PARD3B: variants seen among roughly 807,000 people sequenced by gnomAD.
PARD3B encodes the protein par-3 family cell polarity regulator beta.
In PARD3B, 103 loss-of-function variants were observed where a neutral mutation model predicts 130.2. The observed-to-expected ratio is 0.79, with a 90% CI of 0.67 to 0.93. PARD3B has a LOEUF of 0.93. Ranked by LOEUF, PARD3B falls within the 40% of genes least tolerant of loss-of-function variation. The pLI is 0.00. For synonymous variants in PARD3B, 583 were observed against 553.2 expected, an observed-to-expected ratio of 1.05 and a Z score of -0.76; for missense variants, 1,609 against 1,499.2, an observed-to-expected ratio of 1.07 and a Z score of -1.21.
chr2:205,172,004 A>G (rs1189551229), intron 11 of PARD3B, among the ~76,000 whole-genome samples: 1 of 152,220 alleles, frequency 6.6e-6, no homozygotes. Flanking sequence ...TCTAAAAAAT[A>G]CTTTCACACA....
In PARD3B at chr2:205,250,280, G is replaced by A. The variant is rs1401168841; in HGVS notation, c.2185+4458G>A. Among the ~76,000 whole-genome samples the A allele has an allele frequency of 2.0e-5, 3 of 150,354 alleles. No homozygotes were observed. In the South Asian group the frequency reaches 6.3e-4, roughly 32 times the overall value. ...GCTTGGAACTGTTTTAATATGTATT[G>A]ACTGTCTGCAGAGATCTTTGCTGAC... is the stretch of plus-strand genomic sequence containing the variant. On this transcript the variant is annotated intron_variant, in intron 16 of 22. Transcript: ENST00000406610.
intron 3 of PARD3B, among the ~76,000 whole-genome samples, chr2:205,035,815 ATATATCTATATATC>A (rs1228591640): frequency 0.44 from 11,391 of 26,032 alleles, 1,267 homozygotes; most frequent in South Asian, 0.6. Context: ...ATATATATAT[ATATATCTATATATC>A]TATATATATA....
At chr2:204,644,359 G>A (rs1211273722) in intron 1 of PARD3B, among the ~76,000 whole-genome samples, 1 of 152,162 alleles carries the variant, frequency 6.6e-6, no homozygotes, top group Non-Finnish European at 1.5e-5. Context: ...GGGTGTGTGG[G>A]TGTCTATCTT....
At chr2:204,724,116 A>T (rs1363001902) in intron 2 of PARD3B, among the ~76,000 whole-genome samples, 1 of 152,136 alleles carries the variant, frequency 6.6e-6, no homozygotes, top group East Asian at 1.9e-4. Context: ...CCTTAGCATT[A>T]CTTTTGATAT....
At chr2:205,532,926 A>G (rs950846902) in intron 21 of PARD3B, among the ~76,000 whole-genome samples, 6 of 152,204 alleles carry the variant, frequency 3.9e-5, no homozygotes, top group African/African-American at 1.4e-4. Context: ...ATAAGATATT[A>G]AAGTGTGCTG....
In PARD3B at chr2:205,309,861, A is replaced by C. The variant is rs560550441; in HGVS notation, c.2630+8160A>C. ...TTTAGGTAAGCAAAGCTGTCAGTGT[A>C]GTGCCTAACTTGATAGACATTACTT... On this transcript the variant is annotated intron_variant, in intron 18 of 22. Transcript: ENST00000406610. This position sits in a 1 kb window ranked among gnomAD's most constrained non-coding sequence, Gnocchi z 4.7. 1.3e-5 allele frequency among the ~76,000 whole-genome samples: 2 copies of C among 152,136 alleles called. No homozygotes were observed. Among genetic ancestry groups the C allele is most frequent in the South Asian group, 4.1e-4 (2 of 4,826 alleles).
chr2:205,339,696 T>G (rs2043445654), intron 18 of PARD3B, among the ~76,000 whole-genome samples: 1 of 152,228 alleles, frequency 6.6e-6, no homozygotes, highest in Admixed American at 6.5e-5. Context: ...CAGAGAGAGA[T>G]AATTGGACTT....
At chr2:204,944,929 A>T (rs6724164) in intron 2 of PARD3B, among the ~76,000 whole-genome samples, 33,699 of 152,146 alleles carry the variant, frequency 0.22, 4,052 homozygotes, top group African/African-American at 0.28. Flanking sequence ...AAATTGCACA[A>T]AGTGCATTTG....
chr2:205,192,843 C>G (rs1574342016), intron 14 of PARD3B, among the ~76,000 whole-genome samples: 3 of 152,306 alleles, frequency 2.0e-5, no homozygotes, highest in East Asian at 3.9e-4. Context: ...ATCCCTTAAC[C>G]TGCTTTTGGG....
At chr2:204,795,035 TAGAG>T (rs1414673649) in intron 2 of PARD3B, among the ~76,000 whole-genome samples, 3 of 152,334 alleles carry the variant, frequency 2.0e-5, no homozygotes, top group East Asian at 3.9e-4. Context: ...TCAGTATAGA[TAGAG>T]AAAGTAGATA....
chr2:205,129,113 A>G (rs1017493070), intron 10 of PARD3B, among the ~76,000 whole-genome samples: 2 of 152,216 alleles, frequency 1.3e-5, no homozygotes, highest in African/African-American at 4.8e-5. Flanking sequence ...AGAAGTTTCT[A>G]GCAAATATCT....
At chr2:205,135,979 G>A (rs548480855) in intron 10 of PARD3B, among the ~76,000 whole-genome samples, 3 of 152,178 alleles carry the variant, frequency 2.0e-5, no homozygotes, top group Admixed American at 2.0e-4. Context: ...ATTTAATATT[G>A]TTATGTCTCT....
At chr2:205,005,003 C>G (rs868318682) in intron 3 of PARD3B, among the ~76,000 whole-genome samples, 1 of 152,102 alleles carries the variant, frequency 6.6e-6, no homozygotes, top group African/African-American at 2.4e-5. Context: ...TTTCATACTC[C>G]ACAACCAACC....
At chr2:205,606,352 G>T (rs1484616162) in intron 22 of PARD3B, among the ~76,000 whole-genome samples, 1 of 152,216 alleles carries the variant, frequency 6.6e-6, no homozygotes, top group Admixed American at 6.5e-5. Context: ...TTGGCTGGAG[G>T]TGGGAGCTTC....
chr2:205,485,643 A>G (rs1027632988), intron 20 of PARD3B, among the ~76,000 whole-genome samples: 1 of 152,148 alleles, frequency 6.6e-6, no homozygotes, highest in African/African-American at 2.4e-5. Context: ...GCAATTCTTC[A>G]GTGGGTCTGC....
chr2:205,563,941 G>A lies in PARD3B; in HGVS notation c.3260+10538G>A, dbSNP rs2053230631. On this transcript the variant is annotated intron_variant, in intron 22 of 22. Coordinates refer to ENST00000406610, the MANE Select transcript of PARD3B (RefSeq NM_001302769.2). The surrounding 1 kb of genome is among the most constrained non-coding windows in gnomAD (Gnocchi z 4.2). The stretch of plus-strand genomic sequence containing the variant: ...CAGAACACTCAGAACAAGGCAAGGG[G>A]AAGGAGTTAACATTTGTTGAGCCCG... Among the ~76,000 whole-genome samples the A allele has an allele frequency of 1.3e-5, 2 of 152,198 alleles. No individual in the cohort carries two copies. The highest frequency in any genetic ancestry group is 2.1e-4 in the South Asian group (1 of 4,834).
chr2:204,896,724 A>G (rs186356756), intron 2 of PARD3B, among the ~76,000 whole-genome samples: 4 of 152,324 alleles, frequency 2.6e-5, no homozygotes, highest in African/African-American at 7.2e-5. Flanking sequence ...TCATTTAGAA[A>G]GGGAGTGGAC....
At chr2:205,240,478 C>T (rs1402672242) in intron 15 of PARD3B, among the ~76,000 whole-genome samples, 1 of 152,016 alleles carries the variant, frequency 6.6e-6, no homozygotes, top group African/African-American at 2.4e-5. Flanking sequence ...ATAAGACTAC[C>T]ATTGCATCAT....
At chr2:204,905,745 A>G (rs1478944788) in intron 2 of PARD3B, among the ~76,000 whole-genome samples, 1 of 152,204 alleles carries the variant, frequency 6.6e-6, no homozygotes, top group Non-Finnish European at 1.5e-5. Context: ...ATTAGATTTT[A>G]CTAGGCAGCT....
Sources: allele counts gnomAD v4.1 joint callset (sites outside exome capture counted in the v4.1 genomes callset), GRCh38; gene constraint gnomAD v4.1.1; non-coding constraint Gnocchi (gnomAD v3.1); transcripts MANE v1.5; gene names NCBI Gene and HGNC (gene_info 2026-07-23, HGNC 2026-07-21).